RERG: variants seen among roughly 807,000 people sequenced by gnomAD.
The protein encoded by RERG is ras-related and estrogen-regulated growth inhibitor.
RERG carries 25 observed loss-of-function variants against 23.2 expected under a neutral mutation model. The ratio of observed to expected loss-of-function variants is 1.08; its 90% CI spans 0.79 to 1.50. The LOEUF (loss-of-function observed/expected upper bound fraction) is 1.50. RERG is among the 40% of genes most tolerant of loss of function. The pLI is 0.00. For missense variants in RERG, 253 were observed against 250.1 expected (o/e 1.01, Z -0.08); for synonymous variants, 81 against 89.1 (o/e 0.91, Z 0.51).
chr12:15,165,552 G>A (rs1305782533), intron 2 of RERG, among the ~76,000 whole-genome samples: 1 of 152,182 alleles, frequency 6.6e-6, no homozygotes, highest in Admixed American at 6.5e-5. Flanking sequence ...GGTGGTATGG[G>A]TGGTGGTAAG....
chr12:15,127,288 G>A (rs1280079004), intron 2 of RERG, among the ~76,000 whole-genome samples: 1 of 152,146 alleles, frequency 6.6e-6, no homozygotes, highest in Non-Finnish European at 1.5e-5. Flanking sequence ...TGCCCAATAG[G>A]TATTTGAGAA....
chr12:15,191,504 T>C (rs1158604389), intron 2 of RERG, among the ~76,000 whole-genome samples: 2 of 152,136 alleles, frequency 1.3e-5, no homozygotes. Context: ...TGATTCAAGC[T>C]CTTTACTAGC....
chr12:15,126,157 T>TATATA lies in RERG; in HGVS notation c.62-5039_62-5038insTATAT, dbSNP rs1555120854. Among the ~76,000 whole-genome samples, 227 of 55,446 alleles carry TATATA rather than the reference T, an allele frequency of 4.1e-3. 3 individuals are homozygous for TATATA. Among genetic ancestry groups the TATATA allele is most frequent in the African/African-American group, 0.012 (214 of 18,406 alleles). 36.4% of individuals were successfully genotyped at this position (55,446 alleles called of 152,430 possible). A position where few individuals can be genotyped will look rare whatever the true frequency, so the allele number is the denominator to read the frequency against. Reference sequence around the variant, plus strand: ...TATATATATATATATATATATGTATTTACACACATACATTTTTACATATAT... The same window carrying TATATA: ...TATATATATATATATATATATGTATTATATATACACACATACATTTTTACATATAT... On this transcript the variant is annotated intron_variant, in intron 2 of 4. Coordinates refer to ENST00000256953, the MANE Select transcript of RERG (RefSeq NM_032918.3).
At chr12:15,157,893 ATTTGT>A (rs532996274) in intron 2 of RERG, among the ~76,000 whole-genome samples, 265 of 152,112 alleles carry the variant, frequency 1.7e-3, no homozygotes, top group African/African-American at 6.2e-3. Flanking sequence ...CATTTTTCCC[ATTTGT>A]TTTATCATTC....
chr12:15,142,329 T>C (rs2136102641), intron 2 of RERG, among the ~76,000 whole-genome samples: 1 of 152,276 alleles, frequency 6.6e-6, no homozygotes, highest in South Asian at 2.1e-4. Flanking sequence ...ACTCTAAGAG[T>C]AAATTTCTTA....
At chr12:15,193,130 T>C (rs1467176309) in intron 2 of RERG, among the ~76,000 whole-genome samples, 1 of 152,176 alleles carries the variant, frequency 6.6e-6, no homozygotes, top group Non-Finnish European at 1.5e-5. Flanking sequence ...CTTTTAGTGA[T>C]TATTCCTCTG....
intron 2 of RERG, among the ~76,000 whole-genome samples, chr12:15,125,399 C>T (rs117639151): frequency 1.7e-4 from 26 of 152,076 alleles, no homozygotes; most frequent in East Asian, 1.5e-3. Flanking sequence ...AATAAACTTA[C>T]GTAGTATCCT....
intron 2 of RERG, among the ~76,000 whole-genome samples, chr12:15,177,839 G>GTTTTTTTT (rs11304470): frequency 2.7e-5 from 3 of 112,954 alleles, no homozygotes; most frequent in Non-Finnish European, 5.6e-5. Flanking sequence ...CCCTCTGTTT[G>GTTTTTTTT]TTTTTTTTTT....
intron 2 of RERG, among the ~76,000 whole-genome samples, chr12:15,137,229 C>T (rs1864158590): frequency 6.6e-6 from 1 of 151,440 alleles, no homozygotes; most frequent in Admixed American, 6.6e-5. Context: ...ATAGCTATTC[C>T]AGTTTTCTTT....
intron 2 of RERG, among the ~76,000 whole-genome samples, chr12:15,156,250 T>C (rs943564599): frequency 1.3e-5 from 2 of 152,216 alleles, no homozygotes; most frequent in Non-Finnish European, 2.9e-5. Flanking sequence ...CACTGTGATT[T>C]GTTTCTACAT....
chr12:15,120,088 TAATA>T (rs1233709302), intron 3 of RERG, among the ~76,000 whole-genome samples: 7 of 152,182 alleles, frequency 4.6e-5, no homozygotes, highest in Admixed American at 2.6e-4. Context: ...AGAGAGTATT[TAATA>T]AATAACAGGA....
intron 2 of RERG, among the ~76,000 whole-genome samples, chr12:15,152,413 C>T (rs1186510961): frequency 6.6e-6 from 1 of 152,124 alleles, no homozygotes; most frequent in Admixed American, 6.5e-5. Flanking sequence ...CATAGTGTTT[C>T]CCCTCTAATT....
chr12:15,216,811 G>C (rs140200464), intron 2 of RERG, among the ~76,000 whole-genome samples: 2 of 152,258 alleles, frequency 1.3e-5, no homozygotes, highest in Admixed American at 6.5e-5. Context: ...GTCTGCTAGC[G>C]ATTTCTCAGA....
intron 4 of RERG, 88 bp downstream of exon 4, chr12:15,111,256 G>T: frequency 1.0e-6 from 1 of 975,626 alleles, no homozygotes; most frequent in South Asian, 1.5e-5. Flanking sequence ...AAAGTTAGTT[G>T]AAGAAAAGTG....
intron 2 of RERG, among the ~76,000 whole-genome samples, chr12:15,183,842 A>G (rs1472521544): frequency 6.6e-6 from 1 of 152,180 alleles, no homozygotes; most frequent in Non-Finnish European, 1.5e-5. Context: ...ACCTGTCACG[A>G]ACCCAGCTGG....
At chr12:15,209,792 G>GATACAAA (rs1565538701) in intron 2 of RERG, among the ~76,000 whole-genome samples, 1 of 152,278 alleles carries the variant, frequency 6.6e-6, no homozygotes, top group East Asian at 1.9e-4. Context: ...ATAACTGAAT[G>GATACAAA]ATACAAAATG....
intron 2 of RERG, among the ~76,000 whole-genome samples, chr12:15,163,755 C>T (rs1335814080): frequency 6.6e-6 from 1 of 152,146 alleles, no homozygotes; most frequent in Non-Finnish European, 1.5e-5. Context: ...GCATCTGGAG[C>T]TGTCCAGGAG....
At chr12:15,211,441 T>C (rs1433760126) in intron 2 of RERG, among the ~76,000 whole-genome samples, 1 of 151,934 alleles carries the variant, frequency 6.6e-6, no homozygotes. Context: ...GAGAGACAAA[T>C]ACCATATGAT....
chr12:15,210,077 G>A lies in RERG; in HGVS notation c.61+7352C>T, dbSNP rs114720694. On this transcript the variant is annotated intron_variant, in intron 2 of 4. Coordinates refer to ENST00000256953, the MANE Select transcript of RERG (RefSeq NM_032918.3). ...ACCACATCAATTTTCAAAAGCAGCTGTAGCAACAGACATGCATTTGCACTG... is the reference window on the plus strand; with the variant it reads ...ACCACATCAATTTTCAAAAGCAGCTATAGCAACAGACATGCATTTGCACTG... Among the ~76,000 whole-genome samples the A allele has an allele frequency of 3.1e-3, 465 of 152,274 alleles. 2 individuals are homozygous for A. Among genetic ancestry groups the A allele is most frequent in the African/African-American group, 0.01 (433 of 41,536 alleles).
Sources: allele counts gnomAD v4.1 joint callset (sites outside exome capture counted in the v4.1 genomes callset), GRCh38; gene constraint gnomAD v4.1.1; transcripts MANE v1.5; gene names NCBI Gene and HGNC (gene_info 2026-07-23, HGNC 2026-07-21).